RPS6KC1: variants seen among roughly 807,000 people sequenced by gnomAD.
The protein encoded by RPS6KC1 is ribosomal protein S6 kinase C1, also known as inactive ribosomal protein S6 kinase delta-1.
In RPS6KC1, 54 loss-of-function variants were observed where a neutral mutation model predicts 103.8. That is an observed-to-expected ratio of 0.52 (90% CI 0.42 to 0.65). The LOEUF is 0.65. Among genes scored for constraint, RPS6KC1 ranks in the 30% least tolerant of loss-of-function variants. The probability of loss-of-function intolerance (pLI) is 0.00; values close to 1 mark genes in which losing one functional copy is unlikely to be tolerated. For missense variants in RPS6KC1, 1,151 were observed against 1,253.8 expected, an observed-to-expected ratio of 0.92 and a Z score of 1.24; for synonymous variants, 439 against 438.7, an observed-to-expected ratio of 1.00 and a Z score of -0.01.
intron 6 of RPS6KC1, among the ~76,000 whole-genome samples, chr1:213,164,028 T>C (rs2090730741): frequency 6.6e-6 from 1 of 152,236 alleles, no homozygotes; most frequent in African/African-American, 2.4e-5. Context: ...GTACTTTATA[T>C]TGAAAGGTAG....
At chr1:213,795,632 G>A in the RPS6KC1 span, among the ~76,000 whole-genome samples, 2 of 152,096 alleles carry the variant, frequency 1.3e-5, no homozygotes, top group Non-Finnish European at 2.9e-5. Flanking sequence ...TGTTTCCATG[G>A]TTTTATTCTG....
At chr1:213,797,637 A>G in the RPS6KC1 span, among the ~76,000 whole-genome samples, 1 of 152,266 alleles carries the variant, frequency 6.6e-6, no homozygotes, top group Non-Finnish European at 1.5e-5. Context: ...AAGCATTTAC[A>G]TGAAGAATGG....
chr1:213,802,049 C>T, the RPS6KC1 span, among the ~76,000 whole-genome samples: 1 of 152,184 alleles, frequency 6.6e-6, no homozygotes, highest in East Asian at 1.9e-4. Context: ...ATGTCACAAC[C>T]TGGGAATTTG....
At chr1:213,420,958 T>C in the RPS6KC1 span, among the ~76,000 whole-genome samples, 1 of 152,304 alleles carries the variant, frequency 6.6e-6, no homozygotes, top group South Asian at 2.1e-4. Context: ...GATGTCTGTC[T>C]CTGTATGCAA....
At chr1:213,633,071 A>G in the RPS6KC1 span, among the ~76,000 whole-genome samples, 1 of 152,242 alleles carries the variant, frequency 6.6e-6, no homozygotes, top group South Asian at 2.1e-4. Flanking sequence ...TCTACGTTTG[A>G]TTGGTGTACC....
the RPS6KC1 span, among the ~76,000 whole-genome samples, chr1:213,696,010 A>G: frequency 8.0e-4 from 122 of 152,316 alleles, no homozygotes; most frequent in African/African-American, 2.7e-3. Flanking sequence ...TCATGTCATC[A>G]TGAACCTTTA....
the RPS6KC1 span, among the ~76,000 whole-genome samples, chr1:213,710,468 CA>C: frequency 6.6e-6 from 1 of 152,104 alleles, no homozygotes; most frequent in African/African-American, 2.4e-5. Flanking sequence ...ACTCTTTATC[CA>C]ATTTGCCACC....
chr1:213,627,591 T>G, the RPS6KC1 span, among the ~76,000 whole-genome samples: 2 of 152,064 alleles, frequency 1.3e-5, no homozygotes, highest in African/African-American at 4.8e-5. Context: ...TTTTGTGATA[T>G]GTCCCATCAA....
the RPS6KC1 span, among the ~76,000 whole-genome samples, chr1:213,438,052 ACTTCTT>A: frequency 6.6e-6 from 1 of 151,888 alleles, no homozygotes; most frequent in Non-Finnish European, 1.5e-5. Flanking sequence ...CAGTTGAATA[ACTTCTT>A]CTGCTGTATC....
the RPS6KC1 span, among the ~76,000 whole-genome samples, chr1:213,516,870 GT>G: frequency 6.6e-6 from 1 of 152,112 alleles, no homozygotes; most frequent in Non-Finnish European, 1.5e-5. Flanking sequence ...ACTCTTTTTC[GT>G]TGGTAAGCTA....
the RPS6KC1 span, among the ~76,000 whole-genome samples, chr1:213,613,071 C>T: frequency 6.6e-5 from 10 of 152,166 alleles, no homozygotes; most frequent in African/African-American, 2.4e-4. Context: ...TCTCTCCCAA[C>T]TCCCTCTCCC....
chr1:213,359,194 T>TC, the RPS6KC1 span, among the ~76,000 whole-genome samples: 4 of 152,192 alleles, frequency 2.6e-5, no homozygotes, highest in African/African-American at 9.7e-5. Context: ...GGAGTCTAAG[T>TC]CTCCTCGTAG....
At chr1:213,418,689 G>A in the RPS6KC1 span, among the ~76,000 whole-genome samples, 1 of 152,216 alleles carries the variant, frequency 6.6e-6, no homozygotes, top group East Asian at 1.9e-4. Context: ...GATCTCCAGG[G>A]TGTTGAGTTC....
chr1:213,335,147 A>T, the RPS6KC1 span, among the ~76,000 whole-genome samples: 1 of 152,360 alleles, frequency 6.6e-6, no homozygotes, highest in African/African-American at 2.4e-5. Flanking sequence ...CAGCTCTGAC[A>T]GTCATTTTTC....
intron 3 of RPS6KC1, among the ~76,000 whole-genome samples, chr1:213,082,125 GA>G (rs2079948927): frequency 6.6e-6 from 1 of 152,116 alleles, no homozygotes; most frequent in Non-Finnish European, 1.5e-5. Flanking sequence ...GTGCCTTGAA[GA>G]AGTGATTAAT....
the RPS6KC1 span, among the ~76,000 whole-genome samples, chr1:213,766,417 G>A: frequency 3.3e-5 from 5 of 152,246 alleles, no homozygotes; most frequent in East Asian, 1.9e-4. Context: ...CACATGGCAC[G>A]TAAGACTTAC....
chr1:213,617,142 C>T, the RPS6KC1 span, among the ~76,000 whole-genome samples: 5 of 152,146 alleles, frequency 3.3e-5, no homozygotes, highest in African/African-American at 1.2e-4. Flanking sequence ...AAATTACAGG[C>T]TGCTGTAAAG....
the RPS6KC1 span, among the ~76,000 whole-genome samples, chr1:213,435,247 C>T: frequency 3.9e-5 from 6 of 152,078 alleles, no homozygotes; most frequent in African/African-American, 1.2e-4. Flanking sequence ...ATCTTCCAGT[C>T]CTCTACTTAA....
At chr1:213,587,726 C>T in the RPS6KC1 span, among the ~76,000 whole-genome samples, 1 of 152,142 alleles carries the variant, frequency 6.6e-6, no homozygotes, top group East Asian at 1.9e-4. Context: ...GAAGATCATC[C>T]AGAAAATATT....
Sources: allele counts gnomAD v4.1 joint callset (sites outside exome capture counted in the v4.1 genomes callset), GRCh38; gene constraint gnomAD v4.1.1; transcripts MANE v1.5; gene names NCBI Gene and HGNC (gene_info 2026-07-23, HGNC 2026-07-21).